The following DBN1 variants were observed in gnomAD, a reference collection of about 807,000 sequenced individuals.
The protein encoded by DBN1 is drebrin.
A neutral mutation model predicts 83.5 loss-of-function variants in DBN1; 21 were observed. The ratio of observed to expected loss-of-function variants is 0.25; its 90% CI spans 0.18 to 0.36. The LOEUF is 0.36. Among genes scored for constraint, DBN1 ranks in the 10% least tolerant of loss-of-function variants. The pLI is 1.00. For missense variants in DBN1, 874 were observed against 935.7 expected (o/e 0.93, Z 0.86); for synonymous variants, 381 against 384.9 (o/e 0.99, Z 0.12).
At position 177,467,289 on chromosome 5, in the gene DBN1, C is replaced by T. The variant is rs761794569; in HGVS notation, c.521G>A (p.Arg174Gln). 1.9e-5 allele frequency: 30 copies of T among 1,614,076 alleles called. No homozygotes were observed. Among genetic ancestry groups the T allele is most frequent in the East Asian group, 4.5e-5 (2 of 44,890 alleles). ...CTCCCAGAACTGCTCTCGGTTAATCCGCTTCATTTCCACAGCTGCATCCGT... is the reference window on the plus strand; with the variant it reads ...CTCCCAGAACTGCTCTCGGTTAATCTGCTTCATTTCCACAGCTGCATCCGT... ...QKTDAAVEMK[R>Q]INREQFWEQA... The change falls in exon 6 of 15, where the codon CGG becomes CAG. Residue 174 changes from arginine to glutamine, a missense_variant. Arg to Gln is a conservative substitution (Grantham distance 43). Around this residue, in one of 4 missense-constraint regions of DBN1, gnomAD observed 725 missense variants for 719.7 expected, o/e 1.01. Transcript: ENST00000393565. This position sits in a 1 kb window ranked among gnomAD's most constrained non-coding sequence, Gnocchi z 9.1.
intron 8 of DBN1, among the ~76,000 whole-genome samples, chr5:177,464,835 G>C (rs1581726899): frequency 6.6e-6 from 1 of 151,498 alleles, no homozygotes; most frequent in Non-Finnish European, 1.5e-5. Context: ...AGCTACTTGG[G>C]AGGCTGAGGC....
rs549533580 is a variant in DBN1 at position 177,472,083 on chromosome 5, C to T, written c.86+1353G>A. The T allele has an allele frequency of 6.4e-5, 102 of 1,588,160 alleles. 1 individual carries two copies. In the Admixed American group the frequency reaches 1.8e-3, roughly 28 times the overall value. On this transcript the variant is annotated intron_variant, in intron 1 of 14. Transcript: ENST00000393565. ...GCTGGGACAATGGGTGGGCCGCCTG[C>T]CTGCTGAGCCTGTGCCGGCCTCTCC...
intron 8 of DBN1, chr5:177,462,306 A>G (rs1757108851): frequency 1.0e-6 from 1 of 985,442 alleles, no homozygotes. Flanking sequence ...CCCACCTCCA[A>G]GCCTCAGCAT....
chr5:177,468,916 G>A lies in DBN1; in HGVS notation c.87-17C>T. On this transcript the variant is annotated splice_polypyrimidine_tract_variant and intron_variant, in intron 1 of 14. Transcript: ENST00000393565. ...TACAGAGCCCTGGGGAGAGGGAGGGGTGGCTGTCAAACTGTCAGGGCCCAG... is the reference window on the plus strand; with the variant it reads ...TACAGAGCCCTGGGGAGAGGGAGGGATGGCTGTCAAACTGTCAGGGCCCAG... 1.5e-6 allele frequency: 2 copies of A among 1,312,914 alleles called. No homozygotes were observed. Among genetic ancestry groups the A allele is most frequent in the South Asian group, 3.2e-5 (1 of 31,600 alleles). 81.3% of individuals were successfully genotyped at this position (1,312,914 alleles called of 1,614,324 possible).
In DBN1 at chr5:177,473,524, T is replaced by C. The variant is rs914351792; in HGVS notation, c.-3A>G. On this transcript the variant is annotated 5_prime_UTR_variant, in exon 1 of 15. Coordinates refer to ENST00000393565, the MANE Select transcript of DBN1 (RefSeq NM_001363541.2). ...CCGCTGAAGCTGACGCCGGCCATGCTTCGGGCCGGACCGGGCCGAACGGAC... is the reference window on the plus strand; with the variant it reads ...CCGCTGAAGCTGACGCCGGCCATGCCTCGGGCCGGACCGGGCCGAACGGAC... 2.8e-6 allele frequency: 4 copies of C among 1,419,176 alleles called. 1 individual carries two copies. The African/African-American group carries it at 5.9e-5, about 21-fold the overall frequency. The allele number at this position is 1,419,176 out of a possible 1,614,324, so 87.9% of individuals were successfully genotyped here.
At chr5:177,471,637 C>G (rs1437479033) in intron 1 of DBN1, among the ~76,000 whole-genome samples, 1 of 152,146 alleles carries the variant, frequency 6.6e-6, no homozygotes, top group South Asian at 2.1e-4. Context: ...ATCCTCACAC[C>G]CCTTTTTCAA....
Position 177,457,361 on chromosome 5 carries a change from G to A in DBN1, c.*72C>T, listed in dbSNP as rs957337198. ...GCGGAGCTGCTGCGAATGCAGGCAC[G>A]GCGGGCCGTCTGGCCAGAGGCTGAT... On this transcript the variant is annotated 3_prime_UTR_variant, in exon 15 of 15. Coordinates refer to ENST00000393565, the MANE Select transcript of DBN1 (RefSeq NM_001363541.2). 18 of 1,342,710 alleles carry A rather than the reference G, an allele frequency of 1.3e-5. No individual in the cohort carries two copies. Among genetic ancestry groups the A allele is most frequent in the East Asian group, 2.3e-5 (1 of 43,546 alleles). 83.2% of individuals were successfully genotyped at this position (1,342,710 alleles called of 1,614,324 possible).
At chr5:177,457,888 T>C (rs753934427) in intron 13 of DBN1, 131 bp from the exon 14 acceptor site, 1 of 879,234 alleles carries the variant, frequency 1.1e-6, no homozygotes, top group Non-Finnish European at 1.7e-6. Context: ...ATGCCTGCCT[T>C]GGGAACAAAA....
chr5:177,464,925 T>A (rs56173424), intron 8 of DBN1, among the ~76,000 whole-genome samples: 7 of 148,052 alleles, frequency 4.7e-5, no homozygotes, highest in East Asian at 2.0e-4. Context: ...GTGGCTGAGG[T>A]GGGCAGATCA....
At chr5:177,472,951 C>G (rs1172413847) in intron 1 of DBN1, 1 of 560,736 alleles carries the variant, frequency 1.8e-6, no homozygotes, top group East Asian at 1.5e-4. Context: ...CTCCCCCGCC[C>G]TCGCTTTCCT....
chr5:177,472,579 C>T (rs554725384), intron 1 of DBN1, among the ~76,000 whole-genome samples: 40 of 152,170 alleles, frequency 2.6e-4, no homozygotes, highest in Non-Finnish European at 4.7e-4. Flanking sequence ...GCTCCTCCCC[C>T]ATCAGGGACC....
In DBN1 at chr5:177,459,139, G is replaced by C; in HGVS notation, c.1223C>G (p.Ser408Trp). ...IERALDEVTS[S>W]QPPPLPPPPP... ...TGGCGGTGGCAGTGGTGGAGGCTGC[G>C]AGGAGGTGACCTCATCCAGGGCCCG... The change falls in exon 12 of 15, where the codon TCG (serine) becomes TGG (tryptophan). Residue 408 changes from serine (S) to tryptophan (W), a missense_variant. Coordinates refer to ENST00000393565, the MANE Select transcript of DBN1 (RefSeq NM_001363541.2). 2 of 1,611,198 alleles carry C rather than the reference G, an allele frequency of 1.2e-6. No homozygotes were observed. The highest frequency in any genetic ancestry group is 1.1e-5 in the South Asian group (1 of 90,894).
In DBN1 at chr5:177,458,279, G is replaced by T; in HGVS notation, c.1693C>A (p.Pro565Thr). The change falls in exon 13 of 15, where the codon CCA becomes ACA. Residue 565 changes from proline to threonine, a missense_variant. By Grantham distance (38) the Pro-to-Thr change is conservative. Coordinates refer to ENST00000393565, the MANE Select transcript of DBN1 (RefSeq NM_001363541.2). ...VPLLDEVAPE[P>T]LLPAGEGCAT... Reference sequence around the variant, plus strand: ...CAGCCTTCGCCTGCTGGCAGCAGTGGCTCCGGAGCCACCTCATCCAGCAGG... The same window carrying T: ...CAGCCTTCGCCTGCTGGCAGCAGTGTCTCCGGAGCCACCTCATCCAGCAGG... 21 of 1,613,708 alleles carry T rather than the reference G, an allele frequency of 1.3e-5. No individual in the cohort carries two copies. Among genetic ancestry groups the T allele is most frequent in the Non-Finnish European group, 1.7e-5 (20 of 1,179,850 alleles).
At position 177,467,884 on chromosome 5, in the gene DBN1, C is replaced by T; in HGVS notation, c.256-67G>A. 1 of 1,571,502 alleles carries T rather than the reference C, an allele frequency of 6.4e-7. No individual in the cohort carries two copies. The highest frequency in any genetic ancestry group is 2.3e-5 in the East Asian group (1 of 43,318). On this transcript the variant is annotated intron_variant, in intron 3 of 14. Coordinates refer to ENST00000393565, the MANE Select transcript of DBN1 (RefSeq NM_001363541.2). The surrounding 1 kb of genome is among the most constrained non-coding windows in gnomAD (Gnocchi z 9.1). ...GGGGGCCCTACACGATAGGGTGCATCTTCCCCGGGGTGGGAAGAGGGTGGG... is the reference window on the plus strand; with the variant it reads ...GGGGGCCCTACACGATAGGGTGCATTTTCCCCGGGGTGGGAAGAGGGTGGG...
chr5:177,468,752 C>A, intron 2 of DBN1, 92 bp downstream of exon 2: 1 of 798,964 alleles, frequency 1.3e-6, no homozygotes, highest in East Asian at 3.0e-5. Context: ...AGGGTGCAGG[C>A]AGGGAGGTGG....
At chr5:177,472,944 C>G (rs1191582165) in intron 1 of DBN1, 1 of 602,744 alleles carries the variant, frequency 1.7e-6, no homozygotes, top group African/African-American at 2.0e-5. Context: ...TCCGCTCCTC[C>G]CCCGCCCTCG....
At chr5:177,468,935 GGCCCAGGCC>G (rs1429410829) in intron 1 of DBN1, 36 bp from the exon 2 acceptor site, 14 of 1,293,626 alleles carry the variant, frequency 1.1e-5, no homozygotes, top group Non-Finnish European at 1.3e-5. Flanking sequence ...AAACTGTCAG[GGCCCAGGCC>G]GCCAATTCTG....
At chr5:177,463,821 T>C (rs1227150068) in intron 8 of DBN1, among the ~76,000 whole-genome samples, 1 of 152,214 alleles carries the variant, frequency 6.6e-6, no homozygotes, top group Non-Finnish European at 1.5e-5. Flanking sequence ...TGTGTATGTT[T>C]GAAATGTTAG....
intron 11 of DBN1, 82 bp from the exon 12 acceptor site, chr5:177,459,350 A>ATT: frequency 6.5e-7 from 1 of 1,536,286 alleles, no homozygotes; most frequent in Non-Finnish European, 8.7e-7. Flanking sequence ...CCTGGCCAGC[A>ATT]CCTCCTCTCT....
Sources: gnomAD v4.1 joint callset for allele counts (sites outside exome capture counted in the v4.1 genomes callset) on GRCh38, gnomAD v4.1.1 for gene constraint, gnomAD v4.1.1 regional missense constraint, Gnocchi (gnomAD v3.1) non-coding constraint, MANE v1.5 for transcripts, NCBI Gene and HGNC (gene_info 2026-07-23, HGNC 2026-07-21) for gene names.